The following CDKN2B-AS1 variants were observed in gnomAD, a reference collection of about 807,000 sequenced individuals.
The protein encoded by CDKN2B-AS1 is CDKN2B and CDKN2A antisense cis and trans regulatory RNA 1, also known as CDKN2B antisense RNA 1 (non-protein coding).
At position 22,072,730 on chromosome 9, in the gene CDKN2B-AS1, A is replaced by C. The variant is rs565896336; in HGVS notation, n.438+16343A>C. Among the ~76,000 whole-genome samples the C allele has an allele frequency of 1.0e-3, 154 of 152,322 alleles. 6 individuals carry two copies. The South Asian group carries it at 0.031, about 31-fold the overall frequency. On this transcript the variant is annotated intron_variant and non_coding_transcript_variant, in intron 4 of 4. Coordinates refer to ENST00000650946, the Ensembl canonical transcript of CDKN2B-AS1. The stretch of plus-strand genomic sequence containing the variant: ...AATGCTAGGAGCACAAGGCAGCCTA[A>C]CTTGTGAGTTGATGTACAGTGTGAA...
intron 4 of CDKN2B-AS1, among the ~76,000 whole-genome samples, chr9:22,103,948 C>G (rs1049381466): frequency 2.0e-5 from 3 of 152,162 alleles, no homozygotes; most frequent in Non-Finnish European, 4.4e-5. Context: ...CTTTTCTTAT[C>G]AGAATTTTAT....
At chr9:22,075,702 G>T (rs1239133181) in intron 4 of CDKN2B-AS1, among the ~76,000 whole-genome samples, 1 of 152,206 alleles carries the variant, frequency 6.6e-6, no homozygotes, top group African/African-American at 2.4e-5. Context: ...GGAACAGGGT[G>T]ATGGTGCCTC....
In CDKN2B-AS1 at chr9:21,995,599, C is replaced by A. The variant is rs1010256719; in HGVS notation, n.29+438C>A. ...TCTGGACTCTCTCCCTTCCTCCTTT[C>A]CAGCTGGGAGACAGGAAAAGCGGTC... On this transcript the variant is annotated intron_variant and non_coding_transcript_variant, in intron 1 of 4. Coordinates refer to ENST00000650946, the Ensembl canonical transcript of CDKN2B-AS1. The surrounding 1 kb of genome is among the most constrained non-coding windows in gnomAD (Gnocchi z 5.7). The A allele has an allele frequency of 6.6e-6, 1 of 152,622 alleles. No homozygotes were observed. The highest frequency in any genetic ancestry group is 1.5e-5 in the Non-Finnish European group (1 of 68,278). The allele number at this position is 152,622 out of a possible 1,614,324, so 9.5% of individuals were successfully genotyped here.
chr9:22,092,113 C>G (rs917734600), intron 4 of CDKN2B-AS1, among the ~76,000 whole-genome samples: 2 of 152,078 alleles, frequency 1.3e-5, no homozygotes, highest in Non-Finnish European at 2.9e-5. Context: ...TGTTTATATG[C>G]TGGATTATGT....
At chr9:22,067,431 G>C (rs551004134) in intron 4 of CDKN2B-AS1, among the ~76,000 whole-genome samples, 2 of 152,254 alleles carry the variant, frequency 1.3e-5, no homozygotes, top group South Asian at 2.1e-4. Context: ...GCAGGATTGA[G>C]TCATGTAGGC....
At chr9:22,079,255 G>A (rs932199658) in intron 4 of CDKN2B-AS1, among the ~76,000 whole-genome samples, 21 of 152,274 alleles carry the variant, frequency 1.4e-4, no homozygotes, top group Admixed American at 6.5e-4. Flanking sequence ...AAGCCGAGGC[G>A]GGAGGATCAC....
intron 4 of CDKN2B-AS1, among the ~76,000 whole-genome samples, chr9:22,100,212 T>C (rs2131354517): frequency 6.6e-6 from 1 of 152,304 alleles, no homozygotes; most frequent in African/African-American, 2.4e-5. Context: ...ATGAATTCAG[T>C]GATTTTTAGT....
exon 5 of CDKN2B-AS1, among the ~76,000 whole-genome samples, chr9:22,127,714 C>T (rs1818038332): frequency 6.6e-6 from 1 of 152,010 alleles, no homozygotes; most frequent in Non-Finnish European, 1.5e-5. Flanking sequence ...TTTGACTTAA[C>T]GAGGATGATT....
intron 1 of CDKN2B-AS1, among the ~76,000 whole-genome samples, chr9:22,043,660 T>G (rs1822992375): frequency 6.6e-6 from 1 of 152,034 alleles, no homozygotes; most frequent in African/African-American, 2.4e-5. Flanking sequence ...TGTGCCATCT[T>G]CATGATTATG....
chr9:22,061,798 A>G (rs879320489), intron 4 of CDKN2B-AS1, among the ~76,000 whole-genome samples: 8 of 152,022 alleles, frequency 5.3e-5, no homozygotes, highest in Non-Finnish European at 1.2e-4. Context: ...GAATAATAGC[A>G]CCTGATTTTA....
At chr9:22,126,698 G>A (rs1432175355) in intron 4 of CDKN2B-AS1, among the ~76,000 whole-genome samples, 1 of 144,660 alleles carries the variant, frequency 6.9e-6, no homozygotes, top group East Asian at 2.2e-4. Flanking sequence ...TCAGCCTCCC[G>A]AGTAGCTGGG....
intron 1 of CDKN2B-AS1, among the ~76,000 whole-genome samples, chr9:22,033,418 A>G (rs983494764): frequency 6.6e-6 from 1 of 152,132 alleles, no homozygotes; most frequent in South Asian, 2.1e-4. Flanking sequence ...AAATTTAATA[A>G]TAGCACCTAA....
At chr9:22,079,380 C>T (rs530896171) in intron 4 of CDKN2B-AS1, among the ~76,000 whole-genome samples, 1 of 151,912 alleles carries the variant, frequency 6.6e-6, no homozygotes, top group Non-Finnish European at 1.5e-5. Flanking sequence ...TCCGGCTACT[C>T]GGGAGGCTGA....
intron 1 of CDKN2B-AS1, among the ~76,000 whole-genome samples, chr9:22,045,038 TTGTGTG>T (rs3028395): frequency 1.5e-4 from 21 of 141,854 alleles, no homozygotes; most frequent in Admixed American, 2.8e-4. Context: ...TATTATTTAT[TTGTGTG>T]TGTGTGTGTG....
Position 22,012,534 on chromosome 9 carries a change from A to G in CDKN2B-AS1, n.29+17373A>G, listed in dbSNP as rs943069020. On this transcript the variant is annotated intron_variant and non_coding_transcript_variant, in intron 1 of 4. Coordinates refer to ENST00000650946, the Ensembl canonical transcript of CDKN2B-AS1. ...AACAACCTGCACCCCAAGAAGGTCA[A>G]ATAAGGCTCTTCCTTCCTCGGAGGG... 1.2e-4 allele frequency: 75 copies of G among 618,482 alleles called. No individual in the cohort carries two copies. The Middle Eastern group carries it at 1.5e-3, about 12-fold the overall frequency. The allele number at this position is 618,482 out of a possible 1,614,324, so 38.3% of individuals were successfully genotyped here.
At chr9:22,086,889 T>C (rs1419878361) in intron 4 of CDKN2B-AS1, among the ~76,000 whole-genome samples, 1 of 152,262 alleles carries the variant, frequency 6.6e-6, no homozygotes, top group Non-Finnish European at 1.5e-5. Context: ...AATAATATTT[T>C]TTCCAACATT....
chr9:22,123,869 A>G (rs1826140962), intron 4 of CDKN2B-AS1, among the ~76,000 whole-genome samples: 1 of 152,224 alleles, frequency 6.6e-6, no homozygotes, highest in Admixed American at 6.5e-5. Flanking sequence ...GACAACGGAA[A>G]GGACTATTTT....
Position 22,001,014 on chromosome 9 carries a change from G to C in CDKN2B-AS1, n.29+5853G>C, listed in dbSNP as rs1820897007. Among the ~76,000 whole-genome samples, 1 of 152,066 alleles carries C rather than the reference G, an allele frequency of 6.6e-6. No homozygotes were observed. Among genetic ancestry groups the C allele is most frequent in the African/African-American group, 2.4e-5 (1 of 41,418 alleles). Reference sequence around the variant, plus strand: ...TCAGGGAGACCCAGTTTTTAGCCAAGACTAAAAGGTTTTAGCCAAGGGGAT... The same window carrying C: ...TCAGGGAGACCCAGTTTTTAGCCAACACTAAAAGGTTTTAGCCAAGGGGAT... On this transcript the variant is annotated intron_variant and non_coding_transcript_variant, in intron 1 of 4. Coordinates refer to ENST00000650946, the Ensembl canonical transcript of CDKN2B-AS1. This position sits in a 1 kb window ranked among gnomAD's most constrained non-coding sequence, Gnocchi z 4.2.
At chr9:22,107,920 AATGAATTGTTGGGTCAAG>A (rs2131363928) in intron 4 of CDKN2B-AS1, among the ~76,000 whole-genome samples, 1 of 152,312 alleles carries the variant, frequency 6.6e-6, no homozygotes, top group Non-Finnish European at 1.5e-5. Flanking sequence ...AAAGAACTTC[AATGAATTGTTGGGTCAAG>A]GTCTAAGAAA....
Sources: allele counts gnomAD v4.1 joint callset (sites outside exome capture counted in the v4.1 genomes callset), GRCh38; gene constraint gnomAD v4.1.1; non-coding constraint Gnocchi (gnomAD v3.1); transcripts MANE v1.5; gene names NCBI Gene and HGNC (gene_info 2026-07-23, HGNC 2026-07-21).